Variants in EYS observed in about 807,000 individuals in gnomAD.
The protein encoded by EYS is protein eyes shut homolog.
In EYS, 250 loss-of-function variants were observed where a neutral mutation model predicts 282.1. That is an observed-to-expected ratio of 0.89 (90% CI 0.80 to 0.98). The LOEUF is 0.98. Ranked by LOEUF, EYS falls within the 50% of genes least tolerant of loss-of-function variation. The pLI is 0.00. For missense variants in EYS, 4,016 were observed against 3,709.0 expected (o/e 1.08, Z -2.15); for synonymous variants, 1,355 against 1,282.9 (o/e 1.06, Z -1.20).
rs114708644 is a variant in EYS, at chr6:64,155,527, G to A, written c.6425-73525C>T. Among the ~76,000 whole-genome samples the A allele has an allele frequency of 2.3e-3, 354 of 152,122 alleles. 1 individual carries two copies. Among genetic ancestry groups the A allele is most frequent in the African/African-American group, 8.1e-3 (336 of 41,518 alleles). On this transcript the variant is annotated intron_variant, in intron 31 of 42. Coordinates refer to ENST00000503581, the MANE Select transcript of EYS (RefSeq NM_001142800.2). ...CACATGCATTGGGGTAACTTTTAAG[G>A]GGTCAATAGAAAGGCTGAGCTTCAC...
At chr6:63,881,702 C>A (rs1204637108) in intron 35 of EYS, among the ~76,000 whole-genome samples, 2 of 151,940 alleles carry the variant, frequency 1.3e-5, no homozygotes, top group African/African-American at 2.4e-5. Context: ...AAATATTAAC[C>A]TTTAGCCTGA....
chr6:65,566,392 A>G (rs1384070893), intron 2 of EYS, among the ~76,000 whole-genome samples: 3 of 148,692 alleles, frequency 2.0e-5, no homozygotes, highest in African/African-American at 4.9e-5. Context: ...CAAGACCTCG[A>G]AAAAAAAAAG....
intron 12 of EYS, among the ~76,000 whole-genome samples, chr6:65,115,966 AATCT>A (rs3036006): frequency 0.13 from 18,640 of 144,718 alleles, 1,177 homozygotes; most frequent in Non-Finnish European, 0.14. Context: ...CTGTCTATCT[AATCT>A]ATCTATCTAT....
At chr6:63,946,169 C>T (rs1305426878) in intron 35 of EYS, among the ~76,000 whole-genome samples, 1 of 152,186 alleles carries the variant, frequency 6.6e-6, no homozygotes, top group African/African-American at 2.4e-5. Context: ...GTCCTGGACA[C>T]ACATCCCAGA....
intron 19 of EYS, among the ~76,000 whole-genome samples, chr6:64,854,963 T>C (rs1766007930): frequency 6.6e-6 from 1 of 152,178 alleles, no homozygotes; most frequent in African/African-American, 2.4e-5. Context: ...GTTGACAGTT[T>C]TTTTAAATAT....
intron 12 of EYS, among the ~76,000 whole-genome samples, chr6:65,231,452 T>A (rs773623247): frequency 7.9e-5 from 12 of 151,530 alleles, no homozygotes; most frequent in Non-Finnish European, 1.6e-4. Context: ...AAAGAGAGGA[T>A]TGGGGAGAGA....
chr6:65,660,617 A>G (rs74440320), intron 1 of EYS, among the ~76,000 whole-genome samples: 2,627 of 151,930 alleles, frequency 0.017, 80 homozygotes, highest in African/African-American at 0.061. Flanking sequence ...AGGGAAATAT[A>G]TGTATACTCA....
At chr6:64,973,014 C>T (rs2150112028) in intron 14 of EYS, among the ~76,000 whole-genome samples, 1 of 152,030 alleles carries the variant, frequency 6.6e-6, no homozygotes, top group South Asian at 2.1e-4. Context: ...TCAATATCTC[C>T]ACTATATCAG....
At chr6:64,349,122 G>A (rs1190460353) in intron 29 of EYS, among the ~76,000 whole-genome samples, 1 of 151,182 alleles carries the variant, frequency 6.6e-6, no homozygotes, top group African/African-American at 2.4e-5. Context: ...GCAAATTATT[G>A]GAATATACGC....
intron 22 of EYS, among the ~76,000 whole-genome samples, chr6:64,691,238 G>A (rs557718405): frequency 2.0e-5 from 3 of 152,108 alleles, no homozygotes; most frequent in East Asian, 1.9e-4. Flanking sequence ...TTAAGGTCAC[G>A]AACAGGGCAT....
At chr6:64,572,327 T>C (rs561891298) in intron 26 of EYS, among the ~76,000 whole-genome samples, 1 of 152,178 alleles carries the variant, frequency 6.6e-6, no homozygotes, top group Non-Finnish European at 1.5e-5. Context: ...TCATAGTGAA[T>C]GGGCAAAAGC....
chr6:65,285,543 C>T (rs1768338946), intron 12 of EYS, among the ~76,000 whole-genome samples: 1 of 151,880 alleles, frequency 6.6e-6, no homozygotes, highest in African/African-American at 2.4e-5. Context: ...GCAAGAAAAG[C>T]CATGCTATCT....
At chr6:65,031,919 G>C (rs1413484531) in intron 13 of EYS, among the ~76,000 whole-genome samples, 1 of 151,614 alleles carries the variant, frequency 6.6e-6, no homozygotes, top group Non-Finnish European at 1.5e-5. Flanking sequence ...TCATACAAAA[G>C]ATAAACAAAA....
At chr6:65,555,323 T>C (rs1263138455) in intron 2 of EYS, among the ~76,000 whole-genome samples, 6 of 152,136 alleles carry the variant, frequency 3.9e-5, no homozygotes, top group Non-Finnish European at 8.8e-5. Context: ...CCAAATAACA[T>C]TCCTGAAGGT....
intron 1 of EYS, among the ~76,000 whole-genome samples, chr6:65,704,911 A>C (rs1242366292): frequency 6.6e-6 from 1 of 152,168 alleles, no homozygotes; most frequent in Non-Finnish European, 1.5e-5. Context: ...AATTGTTTTC[A>C]TCTTTATTCA....
intron 29 of EYS, among the ~76,000 whole-genome samples, chr6:64,319,133 GTAAC>G (rs1770097684): frequency 6.6e-6 from 1 of 151,796 alleles, no homozygotes; most frequent in Admixed American, 6.6e-5. Context: ...GCTGTCTACT[GTAAC>G]TGATTTAGCC....
intron 39 of EYS, among the ~76,000 whole-genome samples, chr6:63,785,636 C>T (rs1025825262): frequency 6.6e-6 from 1 of 152,078 alleles, no homozygotes; most frequent in Non-Finnish European, 1.5e-5. Flanking sequence ...TTTTTTAGAA[C>T]AAAAACAAAT....
chr6:64,753,646 A>G (rs538843548), intron 22 of EYS, among the ~76,000 whole-genome samples: 71 of 151,954 alleles, frequency 4.7e-4, no homozygotes, highest in African/African-American at 1.7e-3. Flanking sequence ...AAAGAGATAG[A>G]CAGCAATACA....
At chr6:64,442,500 A>G (rs778675831) in intron 26 of EYS, among the ~76,000 whole-genome samples, 11 of 152,226 alleles carry the variant, frequency 7.2e-5, no homozygotes, top group Non-Finnish European at 1.3e-4. Flanking sequence ...ATCCCCCAAG[A>G]TAATGGGGAA....
Sources: allele counts gnomAD v4.1 joint callset (sites outside exome capture counted in the v4.1 genomes callset), GRCh38; gene constraint gnomAD v4.1.1; transcripts MANE v1.5; gene names NCBI Gene and HGNC (gene_info 2026-07-23, HGNC 2026-07-21).